The following NDUFAF5 variants were observed in gnomAD, a reference collection of about 807,000 sequenced individuals.
NDUFAF5 encodes NADH:ubiquinone oxidoreductase complex assembly factor 5.
A neutral mutation model predicts 48.9 loss-of-function variants in NDUFAF5; 34 were observed. That is an observed-to-expected ratio of 0.70 (90% CI 0.53 to 0.93). NDUFAF5 has a LOEUF of 0.93. Among genes scored for constraint, NDUFAF5 ranks in the 40% least tolerant of loss-of-function variants. The probability of loss-of-function intolerance (pLI) is 0.00; values close to 1 mark genes in which losing one functional copy is unlikely to be tolerated. For missense variants in NDUFAF5, 428 were observed against 427.5 expected (o/e 1.00, Z -0.01); for synonymous variants, 153 against 150.6 (o/e 1.02, Z -0.12).
In NDUFAF5 at chr20:13,785,157, C is replaced by T. The variant is rs771954824; in HGVS notation, c.89C>T (p.Thr30Ile). Residue 30 changes from threonine to isoleucine, a missense_variant, in exon 1 of 11, where the codon ACC becomes ATC. By Grantham distance (89) the Thr-to-Ile change is moderately conservative. Transcript: ENST00000378106. ...GAGAATCTTGGCCGTAGGGAAGTCA[C>T]CTCTGGTGTCTCTCCCCGCGGTAGC... ...PAENLGRREV[T>I]SGVSPRGSTS... 2 of 1,613,980 alleles carry T rather than the reference C, an allele frequency of 1.2e-6. No individual in the cohort carries two copies.
At chr20:13,796,922 T>A (rs1471233555) in intron 5 of NDUFAF5, among the ~76,000 whole-genome samples, 3 of 152,170 alleles carry the variant, frequency 2.0e-5, no homozygotes, top group African/African-American at 7.2e-5. Context: ...GAGGTTGCAG[T>A]GAGCCAAGAT....
chr20:13,809,660 A>G lies in NDUFAF5; in HGVS notation c.778+758A>G, dbSNP rs544002861. 2.0e-5 allele frequency among the ~76,000 whole-genome samples: 3 copies of G among 152,360 alleles called. No homozygotes were observed. In the East Asian group the frequency reaches 5.8e-4, roughly 29 times the overall value. On this transcript the variant is annotated intron_variant, in intron 8 of 10. Coordinates refer to ENST00000378106, the MANE Select transcript of NDUFAF5 (RefSeq NM_024120.5). The stretch of plus-strand genomic sequence containing the variant: ...CTTATCTTAAAATGCCCCTTGAGGC[A>G]TCTTAGAGAGGTAACAGTATCAGAC...
chr20:13,793,220 A>C lies in NDUFAF5; in HGVS notation c.368A>C (p.Asn123Thr), dbSNP rs765167824. The change falls in exon 4 of 11, where the codon AAT (asparagine) becomes ACT (threonine). Residue 123 changes from asparagine to threonine, a missense_variant. Coordinates refer to ENST00000378106, the MANE Select transcript of NDUFAF5 (RefSeq NM_024120.5). ...TTTTTCCAAGCTGACATTGCAGAAAATGCTTTGGTAGGTAGCTTTTTAATA... is the reference window on the plus strand; with the variant it reads ...TTTTTCCAAGCTGACATTGCAGAAACTGCTTTGGTAGGTAGCTTTTTAATA... ...GKFFQADIAENALKNSSETEI... is the reference protein window; with the variant it reads ...GKFFQADIAETALKNSSETEI... The C allele has an allele frequency of 1.2e-6, 2 of 1,613,524 alleles. No homozygotes were observed.
chr20:13,785,382 A>T, intron 1 of NDUFAF5, 92 bp downstream of exon 1: 1 of 1,135,958 alleles, frequency 8.8e-7, no homozygotes, highest in Admixed American at 2.1e-5. Flanking sequence ...AGCTCACCCC[A>T]CCTAGCCGTC....
At chr20:13,792,806 T>G (rs905832140) in intron 3 of NDUFAF5, among the ~76,000 whole-genome samples, 5 of 152,204 alleles carry the variant, frequency 3.3e-5, no homozygotes, top group Non-Finnish European at 7.3e-5. Flanking sequence ...CTGTAAGTCT[T>G]TCTTTACTCT....
chr20:13,799,554 C>T (rs1388358989), intron 6 of NDUFAF5, among the ~76,000 whole-genome samples: 1 of 151,956 alleles, frequency 6.6e-6, no homozygotes, highest in Non-Finnish European at 1.5e-5. Flanking sequence ...CAAAAATTAG[C>T]CAGGTGTGGT....
rs187205666 is a variant in NDUFAF5 at position 13,796,549 on chromosome 20, G to A, written c.479+1608G>A. 3.6e-3 allele frequency among the ~76,000 whole-genome samples: 549 copies of A among 152,306 alleles called. 3 individuals are homozygous for A. The highest frequency in any genetic ancestry group is 7.5e-3 in the South Asian group (36 of 4,832). ...GCTTAACACAGTATGGTTTGAAATG[G>A]ACATTCAGTTCTGTCCTGGAACTCA... On this transcript the variant is annotated intron_variant, in intron 5 of 10. Coordinates refer to ENST00000378106, the MANE Select transcript of NDUFAF5 (RefSeq NM_024120.5).
rs952715860 is a variant in NDUFAF5 at position 13,816,963 on chromosome 20, G to A, written c.945+6G>A. 3.1e-6 allele frequency: 5 copies of A among 1,598,248 alleles called. No homozygotes were observed. The highest frequency in any genetic ancestry group is 1.7e-5 in the Admixed American group (1 of 60,004). ...GGAAATATCATGAGTCACAGGTAAC[G>A]TTACTAAGATGGATCACTTTTCTTA... On this transcript the variant is annotated splice_donor_region_variant and intron_variant, in intron 10 of 10. Coordinates refer to ENST00000378106, the MANE Select transcript of NDUFAF5 (RefSeq NM_024120.5).
intron 7 of NDUFAF5, among the ~76,000 whole-genome samples, chr20:13,808,016 C>T (rs1985324224): frequency 6.6e-6 from 1 of 152,048 alleles, no homozygotes; most frequent in Non-Finnish European, 1.5e-5. Context: ...GTGCCTAACA[C>T]AATAAAGTTT....
At chr20:13,812,754 T>C (rs1260657048) in intron 8 of NDUFAF5, among the ~76,000 whole-genome samples, 1 of 152,234 alleles carries the variant, frequency 6.6e-6, no homozygotes, top group Non-Finnish European at 1.5e-5. Flanking sequence ...TTCAGAGTCC[T>C]GTACTGCATA....
At chr20:13,792,591 G>A (rs1982452599) in intron 3 of NDUFAF5, among the ~76,000 whole-genome samples, 1 of 152,208 alleles carries the variant, frequency 6.6e-6, no homozygotes, top group African/African-American at 2.4e-5. Context: ...GAAAGCTTGT[G>A]CCTGTTGTAA....
chr20:13,808,921 T>C lies in NDUFAF5; in HGVS notation c.778+19T>C. ...TTACAAGGTAAGGCACTTTAAAGAA[T>C]TTTTAGACTCCATTGGGAAAGGTAG... On this transcript the variant is annotated intron_variant, in intron 8 of 10. Transcript: ENST00000378106. 1 of 1,545,626 alleles carries C rather than the reference T, an allele frequency of 6.5e-7. No homozygotes were observed. The highest frequency in any genetic ancestry group is 8.9e-7 in the Non-Finnish European group (1 of 1,117,890).
At position 13,786,744 on chromosome 20, in the gene NDUFAF5, GCTTAC is replaced by G. The variant is rs535213369; in HGVS notation, c.223-563_223-559del. On this transcript the variant is annotated intron_variant, in intron 1 of 10. Coordinates refer to ENST00000378106, the MANE Select transcript of NDUFAF5 (RefSeq NM_024120.5). The stretch of plus-strand genomic sequence containing the variant: ...TGAAGCTAGGCCAGCAAAAGGTGGT[GCTTAC>G]CTTATGACTCTTAAATTGGGATGGG... Among the ~76,000 whole-genome samples, 50 of 152,304 alleles carry G rather than the reference GCTTAC, an allele frequency of 3.3e-4. No homozygotes were observed. The South Asian group carries it at 1.0e-2, about 30-fold the overall frequency.
At position 13,818,548 on chromosome 20, in the gene NDUFAF5, T is replaced by C. The variant is rs773606423; in HGVS notation, c.*1338T>C. The C allele has an allele frequency of 2.1e-5, 6 of 279,334 alleles. No individual in the cohort carries two copies. The highest frequency in any genetic ancestry group is 2.8e-5 in the Non-Finnish European group (4 of 144,700). 17.3% of individuals were successfully genotyped at this position (279,334 alleles called of 1,614,324 possible). A position where few individuals can be genotyped will look rare whatever the true frequency, so the allele number is the denominator to read the frequency against. On this transcript the variant is annotated 3_prime_UTR_variant, in exon 11 of 11. Coordinates refer to ENST00000378106, the MANE Select transcript of NDUFAF5 (RefSeq NM_024120.5). ...AATGGCGCATGCCTGTAGTCCCAGCTACTTGGGAGGCTGAGGCAGGCAGGA... is the reference window on the plus strand; with the variant it reads ...AATGGCGCATGCCTGTAGTCCCAGCCACTTGGGAGGCTGAGGCAGGCAGGA...
At chr20:13,792,876 C>T (rs1197319915) in intron 3 of NDUFAF5, among the ~76,000 whole-genome samples, 1 of 152,106 alleles carries the variant, frequency 6.6e-6, no homozygotes, top group Non-Finnish European at 1.5e-5. Context: ...CTTTGTGACA[C>T]AGGAGTGGGG....
intron 7 of NDUFAF5, among the ~76,000 whole-genome samples, chr20:13,802,549 A>G (rs1984336428): frequency 1.3e-5 from 2 of 151,966 alleles, no homozygotes; most frequent in Admixed American, 6.6e-5. Context: ...GCATGCCTGT[A>G]ATCCCAGCTA....
Position 13,785,141 on chromosome 20 carries a change from G to A in NDUFAF5, c.73G>A (p.Gly25Ser), listed in dbSNP as rs554134618. The A allele has an allele frequency of 6.2e-7, 1 of 1,613,982 alleles. No individual in the cohort carries two copies. The highest frequency in any genetic ancestry group is 2.2e-5 in the East Asian group (1 of 44,876). Residue 25 changes from glycine (G) to serine (S), a missense_variant, in exon 1 of 11, where the codon GGC becomes AGC. By Grantham distance (56) the Gly-to-Ser change is moderately conservative. Coordinates refer to ENST00000378106, the MANE Select transcript of NDUFAF5 (RefSeq NM_024120.5). ...GGCGAGGGTCCCAGCGGAGAATCTT[G>A]GCCGTAGGGAAGTCACCTCTGGTGT... ...WAARVPAENL[G>S]RREVTSGVSP...
chr20:13,814,158 C>T (rs1357598107), intron 8 of NDUFAF5: 1 of 304,108 alleles, frequency 3.3e-6, no homozygotes, highest in Non-Finnish European at 6.5e-6. Flanking sequence ...AGGATTTAAA[C>T]CTAGTCGAAC....
intron 1 of NDUFAF5, chr20:13,787,042 G>T: frequency 2.0e-6 from 1 of 494,646 alleles, no homozygotes; most frequent in East Asian, 3.7e-5. Context: ...ATGTCACATG[G>T]AATGTAAAGG....
Sources: allele counts gnomAD v4.1 joint callset (sites outside exome capture counted in the v4.1 genomes callset), GRCh38; gene constraint gnomAD v4.1.1; transcripts MANE v1.5; gene names NCBI Gene and HGNC (gene_info 2026-07-23, HGNC 2026-07-21).